KDM5C: variants seen among roughly 807,000 people sequenced by gnomAD.
KDM5C encodes the protein lysine demethylase 5C.
Under a neutral mutation model 110.6 loss-of-function variants are expected in KDM5C, and 16 were observed. That is an observed-to-expected ratio of 0.14 (90% CI 0.10 to 0.22). KDM5C has a LOEUF of 0.22. Ranked by LOEUF, KDM5C falls within the 10% of genes least tolerant of loss-of-function variation. The pLI is 1.00. For missense variants in KDM5C, 681 were observed against 1,300.9 expected (o/e 0.52, Z 7.33); for synonymous variants, 511 against 520.4 (o/e 0.98, Z 0.24).
chrX:53,178,007 C>T (rs185900272), intron 25 of KDM5C, among the ~76,000 whole-genome samples: 7 of 111,041 alleles, frequency 6.3e-5, no homozygotes, highest in Non-Finnish European at 1.1e-4. Flanking sequence ...TATAGGTGCA[C>T]GCTACTCTGC....
intron 23 of KDM5C, 100 bp from the exon 24 acceptor site, chrX:53,193,951 A>G: frequency 1.0e-6 from 1 of 957,151 alleles, no homozygotes; most frequent in Non-Finnish European, 1.5e-6. Flanking sequence ...CGCCTTCTGG[A>G]GGAGGAGGGA....
chrX:53,187,943 C>T (rs1476081325), downstream of KDM5C, among the ~76,000 whole-genome samples: 8 of 108,915 alleles, frequency 7.3e-5, no homozygotes, highest in Admixed American at 2.9e-4. Context: ...GGGGTTTCAC[C>T]GTGTTAGCCA....
At position 53,193,427 on chromosome X, in the gene KDM5C, C is replaced by T. The variant is rs1408002810; in HGVS notation, c.4317+10G>A. On this transcript the variant is annotated intron_variant, in intron 25 of 25. Transcript: ENST00000375401. ...GACCTCCTGGCCCGGCCCATGACCC[C>T]TCTCCTCACCTCCAGAAGTGTGCGG... 1.7e-6 allele frequency: 2 copies of T among 1,210,159 alleles called. No individual in the cohort carries two copies. Among genetic ancestry groups the T allele is most frequent in the Admixed American group, 2.2e-5 (1 of 45,842 alleles).
downstream of KDM5C, among the ~76,000 whole-genome samples, chrX:53,186,673 G>A (rs782445235): frequency 8.0e-5 from 9 of 112,188 alleles, no homozygotes; most frequent in Admixed American, 4.7e-4. Flanking sequence ...TTTATACATA[G>A]CCCTGCATGA....
chrX:53,210,197 G>A (rs959960183), intron 12 of KDM5C, among the ~76,000 whole-genome samples: 3 of 112,423 alleles, frequency 2.7e-5, no homozygotes, highest in South Asian at 3.7e-4. Context: ...AGCTGTTACC[G>A]TCAAACACAT....
At chrX:53,212,306 C>CTT (rs1188707416) in intron 8 of KDM5C, 124 of 134,121 alleles carry the variant, frequency 9.2e-4, no homozygotes, top group East Asian at 1.7e-3. Context: ...AAATGTGATT[C>CTT]TTTTTTTTTT....
At chrX:53,218,207 G>C in intron 3 of KDM5C, 69 bp downstream of exon 3, 1 of 1,187,639 alleles carries the variant, frequency 8.4e-7, no homozygotes, top group Non-Finnish European at 1.1e-6. Context: ...TCCAAACTAA[G>C]GGGGCCCCCA....
chrX:53,203,058 G>A (rs1181803348), intron 12 of KDM5C, among the ~76,000 whole-genome samples: 2 of 110,893 alleles, frequency 1.8e-5, no homozygotes, highest in South Asian at 3.8e-4. Context: ...CGCCCGCCTC[G>A]GCCTCCCAAA....
Position 53,192,687 on chromosome X carries a change from C to G in KDM5C, c.*280G>C, listed in dbSNP as rs1602156127. ...TGATGGCCCAGCCCCAGCCACCCCC[C>G]TGCCCACCAGCCCATCCATCTATCT... On this transcript the variant is annotated 3_prime_UTR_variant, in exon 26 of 26. Transcript: ENST00000375401. 1.8e-6 allele frequency: 2 copies of G among 1,140,497 alleles called. No individual in the cohort carries two copies. Among genetic ancestry groups the G allele is most frequent in the Non-Finnish European group, 2.4e-6 (2 of 850,923 alleles). 94.0% of individuals were successfully genotyped at this position (1,140,497 alleles called of 1,213,427 possible).
intron 10 of KDM5C, 39 bp from the exon 11 acceptor site, chrX:53,210,896 ATG>A (rs2073537432): frequency 8.8e-7 from 1 of 1,133,178 alleles, no homozygotes; most frequent in African/African-American, 1.8e-5. Flanking sequence ...CATGAGGGTT[ATG>A]CTAAGGAACT....
At chrX:53,201,521 G>A (rs376954210) in intron 14 of KDM5C, 29 bp downstream of exon 14, 1 of 1,193,756 alleles carries the variant, frequency 8.4e-7, no homozygotes, top group African/African-American at 1.8e-5. Flanking sequence ...CACCAGAATA[G>A]GGTGCTTGAT....
At chrX:53,193,953 G>A (rs1934618336) in intron 23 of KDM5C, 102 bp from the exon 24 acceptor site, 1 of 952,875 alleles carries the variant, frequency 1.0e-6, no homozygotes, top group Non-Finnish European at 1.5e-6. Flanking sequence ...CCTTCTGGAG[G>A]AGGAGGGAAG....
chrX:53,192,882 C>T lies in KDM5C; in HGVS notation c.*85G>A, dbSNP rs1321551882. On this transcript the variant is annotated 3_prime_UTR_variant, in exon 26 of 26. Coordinates refer to ENST00000375401, the MANE Select transcript of KDM5C (RefSeq NM_004187.5). The stretch of plus-strand genomic sequence containing the variant: ...GGCCACCCCCCTACCCGCCCACCCC[C>T]CAAGAAGCAGGCTTGATGGTCAGAA... 3 of 1,061,107 alleles carry T rather than the reference C, an allele frequency of 2.8e-6. No individual in the cohort carries two copies. Among genetic ancestry groups the T allele is most frequent in the Non-Finnish European group, 3.7e-6 (3 of 808,055 alleles). The allele number at this position is 1,061,107 out of a possible 1,213,427, so 87.4% of individuals were successfully genotyped here.
rs932727159 is a variant in KDM5C at position 53,193,035 on chromosome X, G to C, written c.4615C>G (p.Pro1539Ala). The change falls in exon 26 of 26, where the codon CCT becomes GCT. Residue 1539 changes from proline to alanine, a missense_variant. Coordinates refer to ENST00000375401, the MANE Select transcript of KDM5C (RefSeq NM_004187.5). ...AEGTTSGPSA[P>A]FSTLTPRLHL... The stretch of plus-strand genomic sequence containing the variant: ...AGCCGGGGAGTCAGAGTGGAGAAAG[G>C]GGCCGAGGGGCCTGAAGTGGTCCCT... 7.5e-6 allele frequency: 9 copies of C among 1,194,977 alleles called. No individual in the cohort carries two copies. Among genetic ancestry groups the C allele is most frequent in the African/African-American group, 1.8e-5 (1 of 56,210 alleles).
At chrX:53,218,192 T>G in intron 3 of KDM5C, 84 bp downstream of exon 3, 1 of 1,102,654 alleles carries the variant, frequency 9.1e-7, no homozygotes, top group Non-Finnish European at 1.3e-6. Flanking sequence ...CCTAAAGATC[T>G]AATATCCAAA....
At chrX:53,220,290 A>T (rs1053757765) in intron 2 of KDM5C, among the ~76,000 whole-genome samples, 1 of 111,875 alleles carries the variant, frequency 8.9e-6, no homozygotes, top group African/African-American at 3.3e-5. Context: ...CTTCCTGTAC[A>T]GAACAAAAGG....
chrX:53,216,471 G>C (rs782641641), intron 5 of KDM5C, among the ~76,000 whole-genome samples: 3 of 112,190 alleles, frequency 2.7e-5, no homozygotes, highest in Non-Finnish European at 5.6e-5. Flanking sequence ...TTATGAGGGG[G>C]GTTAGGGACA....
chrX:53,217,138 C>G lies in KDM5C; in HGVS notation c.657+5G>C. On this transcript the variant is annotated splice_donor_5th_base_variant and intron_variant, in intron 5 of 25. Transcript: ENST00000375401. Reference sequence around the variant, plus strand: ...GCTCTAAGTTCGAAGAAGGGGAGTACTCACATCAGGCTGCAGTCTCTTGGC... The same window carrying G: ...GCTCTAAGTTCGAAGAAGGGGAGTAGTCACATCAGGCTGCAGTCTCTTGGC... 1 of 1,205,947 alleles carries G rather than the reference C, an allele frequency of 8.3e-7. No homozygotes were observed. Among genetic ancestry groups the G allele is most frequent in the Non-Finnish European group, 1.1e-6 (1 of 892,494 alleles).
rs1292051601 is a variant in KDM5C at position 53,196,776 on chromosome X, G to A, written c.2891C>T (p.Pro964Leu). Residue 964 changes from proline (P) to leucine (L), a missense_variant, in exon 19 of 26, where the codon CCT becomes CTT. Pro to Leu is a moderately conservative substitution (Grantham distance 98). Around this residue, in one of 14 missense-constraint regions of KDM5C, gnomAD observed 123 missense variants for 169.0 expected, o/e 0.73. Coordinates refer to ENST00000375401, the MANE Select transcript of KDM5C (RefSeq NM_004187.5). ...LVAGASVAPS[P>L]AVDKAQAELQ... Reference sequence around the variant, plus strand: ...CTCGGCCTGGGCTTTATCCACAGCAGGGCTAGGGGCTACACTGGCACCCGC... The same window carrying A: ...CTCGGCCTGGGCTTTATCCACAGCAAGGCTAGGGGCTACACTGGCACCCGC... The A allele has an allele frequency of 5.8e-6, 7 of 1,211,377 alleles. No homozygotes were observed. The highest frequency in any genetic ancestry group is 4.5e-6 in the Non-Finnish European group (4 of 895,427).
Sources: gnomAD v4.1 joint callset for allele counts (sites outside exome capture counted in the v4.1 genomes callset) on GRCh38, gnomAD v4.1.1 for gene constraint, gnomAD v4.1.1 regional missense constraint, MANE v1.5 for transcripts, NCBI Gene and HGNC (gene_info 2026-07-23, HGNC 2026-07-21) for gene names.